MRPL48: variants seen among roughly 807,000 people sequenced by gnomAD.
MRPL48 encodes mitochondrial ribosomal protein L48.
A neutral mutation model predicts 32.9 loss-of-function variants in MRPL48; 16 were observed. The ratio of observed to expected loss-of-function variants is 0.49; its 90% confidence interval spans 0.33 to 0.74. The LOEUF (loss-of-function observed/expected upper bound fraction) is 0.74, where lower values mean the gene tolerates loss of function less well. MRPL48 is among the 30% of genes least tolerant of loss of function. MRPL48 has a pLI of 0.02. For synonymous variants in MRPL48, 94 were observed against 89.2 expected, an observed-to-expected ratio of 1.05 and a Z score of -0.31; for missense variants, 206 against 245.3, an observed-to-expected ratio of 0.84 and a Z score of 1.07.
At chr11:73,789,072 G>A (rs1241381425) in intron 1 of MRPL48, among the ~76,000 whole-genome samples, 2 of 152,184 alleles carry the variant, frequency 1.3e-5, no homozygotes, top group African/African-American at 4.8e-5. Context: ...TTGAATGTGT[G>A]AGGGCCCACG....
chr11:73,824,106 G>A lies in MRPL48; in HGVS notation c.113-1602G>A, dbSNP rs1192617927. Among the ~76,000 whole-genome samples the A allele has an allele frequency of 2.6e-5, 4 of 151,540 alleles. No individual in the cohort carries two copies. In the East Asian group the frequency reaches 5.9e-4, roughly 22 times the overall value. ...CCTGACCTCGTGATCTACCTGCCTC[G>A]GCCTCCCAAAGTGCTGGGATTACAG... On this transcript the variant is annotated intron_variant, in intron 3 of 7. Transcript: ENST00000310614.
intron 5 of MRPL48, among the ~76,000 whole-genome samples, chr11:73,858,001 A>G (rs959429598): frequency 3.6e-4 from 55 of 152,230 alleles, no homozygotes; most frequent in Admixed American, 3.3e-3. Flanking sequence ...GTGTTAAAGA[A>G]TAAAACCCAT....
chr11:73,845,103 C>A, intron 5 of MRPL48, 127 bp downstream of exon 5: 1 of 928,518 alleles, frequency 1.1e-6, no homozygotes, highest in Non-Finnish European at 1.5e-6. Flanking sequence ...ATATAATGTA[C>A]TACAATAAAA....
intron 4 of MRPL48, among the ~76,000 whole-genome samples, chr11:73,837,518 A>G (rs1008682332): frequency 3.3e-5 from 5 of 152,240 alleles, no homozygotes; most frequent in African/African-American, 4.8e-5. Context: ...TTGGGCAAAT[A>G]ACTTACCTTC....
intron 3 of MRPL48, among the ~76,000 whole-genome samples, chr11:73,812,394 G>C (rs1427521477): frequency 6.6e-6 from 1 of 152,028 alleles, no homozygotes; most frequent in Non-Finnish European, 1.5e-5. Flanking sequence ...ACTTGTTCCT[G>C]TACATTTGTA....
intron 2 of MRPL48, among the ~76,000 whole-genome samples, chr11:73,807,425 C>T (rs961886599): frequency 2.0e-5 from 3 of 151,368 alleles, no homozygotes; most frequent in South Asian, 2.1e-4. Flanking sequence ...GATAGTATCC[C>T]GTTCCATCTT....
intron 4 of MRPL48, among the ~76,000 whole-genome samples, chr11:73,831,148 T>G (rs1947986274): frequency 2.0e-5 from 3 of 151,962 alleles, no homozygotes; most frequent in Admixed American, 1.3e-4. Context: ...CCTGTTTTTA[T>G]CTTTTTCTTA....
At chr11:73,838,149 G>A (rs1265320394) in intron 4 of MRPL48, among the ~76,000 whole-genome samples, 1 of 152,124 alleles carries the variant, frequency 6.6e-6, no homozygotes, top group African/African-American at 2.4e-5. Flanking sequence ...TCCACTCCTG[G>A]CCCACAGATA....
intron 1 of MRPL48, among the ~76,000 whole-genome samples, chr11:73,788,998 G>C (rs984864518): frequency 1.2e-4 from 19 of 152,142 alleles, no homozygotes. Context: ...ATATTTCCAT[G>C]ATTCATAGGT....
At chr11:73,800,801 TTTC>T (rs1947347131) in intron 1 of MRPL48, among the ~76,000 whole-genome samples, 1 of 149,868 alleles carries the variant, frequency 6.7e-6, no homozygotes, top group Non-Finnish European at 1.5e-5. Flanking sequence ...TCAACTCTTT[TTTC>T]TTTTTCTTTT....
chr11:73,809,283 G>A (rs928654375), intron 3 of MRPL48, among the ~76,000 whole-genome samples: 4 of 151,946 alleles, frequency 2.6e-5, no homozygotes, highest in South Asian at 2.1e-4. Flanking sequence ...CGAGGAGGGC[G>A]GATCATGAGG....
chr11:73,801,953 C>T (rs1006870955), intron 1 of MRPL48: 3 of 152,194 alleles, frequency 2.0e-5, no homozygotes, highest in African/African-American at 7.2e-5. Context: ...AGGAAAGTGA[C>T]ATGACCCTTG....
chr11:73,821,486 C>T (rs1438302989), intron 3 of MRPL48, among the ~76,000 whole-genome samples: 1 of 152,144 alleles, frequency 6.6e-6, no homozygotes, highest in Non-Finnish European at 1.5e-5. Context: ...TCATCTCTTG[C>T]CACCCTGATC....
At chr11:73,822,270 C>A (rs1181352191) in intron 3 of MRPL48, among the ~76,000 whole-genome samples, 2 of 152,128 alleles carry the variant, frequency 1.3e-5, no homozygotes, top group Non-Finnish European at 2.9e-5. Flanking sequence ...TCATCTGAAC[C>A]TATTCCCCTG....
chr11:73,854,288 T>TTTTG lies in MRPL48; in HGVS notation c.372-5606_372-5603dup, dbSNP rs754607387. Reference sequence around the variant, plus strand: ...CATTTTAGAAGGAATAGTTTCAATGTTTTGTTTGTTTGTTTGAGTCAGTCT... The same window carrying TTTTG: ...CATTTTAGAAGGAATAGTTTCAATGTTTTGTTTGTTTGTTTGTTTGAGTCAGTCT... On this transcript the variant is annotated intron_variant, in intron 5 of 7. Transcript: ENST00000310614. 2.0e-5 allele frequency among the ~76,000 whole-genome samples: 3 copies of TTTTG among 152,230 alleles called. No individual in the cohort carries two copies. In the East Asian group the frequency reaches 5.8e-4, roughly 29 times the overall value.
chr11:73,853,986 G>A (rs544602059), intron 5 of MRPL48, among the ~76,000 whole-genome samples: 8 of 152,138 alleles, frequency 5.3e-5, no homozygotes, highest in Middle Eastern at 3.4e-3. Flanking sequence ...CACCGCGCTC[G>A]GCTGAGATAG....
intron 3 of MRPL48, among the ~76,000 whole-genome samples, chr11:73,823,629 A>G (rs1947823406): frequency 6.9e-6 from 1 of 144,292 alleles, no homozygotes; most frequent in Non-Finnish European, 1.5e-5. Flanking sequence ...TCAGTTTCTT[A>G]TCTCTACCCT....
At chr11:73,831,321 A>G (rs1947989384) in intron 4 of MRPL48, among the ~76,000 whole-genome samples, 1 of 152,122 alleles carries the variant, frequency 6.6e-6, no homozygotes, top group Non-Finnish European at 1.5e-5. Context: ...CGCTTACAGT[A>G]TGTACCTGAC....
At chr11:73,806,810 C>T (rs140462691) in intron 2 of MRPL48, among the ~76,000 whole-genome samples, 1 of 151,924 alleles carries the variant, frequency 6.6e-6, no homozygotes, top group East Asian at 1.9e-4. Context: ...AATTAGGATT[C>T]AAATCCAAGT....
Sources: allele counts gnomAD v4.1 joint callset (sites outside exome capture counted in the v4.1 genomes callset), GRCh38; gene constraint gnomAD v4.1.1; transcripts MANE v1.5; gene names NCBI Gene and HGNC (gene_info 2026-07-23, HGNC 2026-07-21).